Variants in CD82 observed in about 807,000 individuals in gnomAD.
The protein encoded by CD82 is CD82 antigen.
Under a neutral mutation model 37.4 loss-of-function variants are expected in CD82, and 36 were observed. The ratio of observed to expected loss-of-function variants is 0.96; its 90% CI spans 0.74 to 1.27. CD82 has a LOEUF of 1.27. CD82 is among the 50% of genes most tolerant of loss of function. CD82 has a pLI of 0.00. For missense variants in CD82, 340 were observed against 347.0 expected, an observed-to-expected ratio of 0.98 and a Z score of 0.16; for synonymous variants, 158 against 137.4, an observed-to-expected ratio of 1.15 and a Z score of -1.05.
upstream of CD82, chr11:44,564,504 T>TA (rs1211040401): frequency 2.2e-6 from 1 of 456,150 alleles, no homozygotes; most frequent in Non-Finnish European, 4.4e-6. Context: ...ATTAACCAGG[T>TA]AATCTGCCTG....
intron 7 of CD82, among the ~76,000 whole-genome samples, chr11:44,617,711 C>T (rs1853585985): frequency 6.6e-6 from 1 of 152,210 alleles, no homozygotes; most frequent in South Asian, 2.1e-4. Flanking sequence ...GCTCCCCACA[C>T]CTATGCTTGG....
At chr11:44,618,435 C>A in intron 8 of CD82, 70 bp downstream of exon 8, 1 of 1,341,190 alleles carries the variant, frequency 7.5e-7, no homozygotes, top group Non-Finnish European at 1.1e-6. Flanking sequence ...TACTGCTCAG[C>A]AATTCCTTCC....
intron 2 of CD82, among the ~76,000 whole-genome samples, chr11:44,590,543 G>A (rs143394130): frequency 1.1e-3 from 159 of 139,502 alleles, no homozygotes; most frequent in African/African-American, 4.0e-3. Flanking sequence ...CCCAGGAGGC[G>A]GAGCTTGCAG....
chr11:44,602,539 A>G (rs1853322233), intron 4 of CD82, among the ~76,000 whole-genome samples: 1 of 152,228 alleles, frequency 6.6e-6, no homozygotes, highest in African/African-American at 2.4e-5. Context: ...AGAAAGAAAT[A>G]GTAAATGGCT....
Position 44,605,387 on chromosome 11 carries a change from C to A in CD82, c.294C>A (p.Ala98=), listed in dbSNP as rs766789029. ...CTTTCCTGCTCCTGATCCTCATTGCCCAGGTGACGGCCGGGGCCCTCTTCT... is the reference window on the plus strand; with the variant it reads ...CTTTCCTGCTCCTGATCCTCATTGCACAGGTGACGGCCGGGGCCCTCTTCT... ...YFAFLLLILI[A]QVTAGALFYF... is the part of the protein sequence containing the mutation. The change falls in exon 6 of 10, where the codon GCC becomes GCA. Residue 98 remains alanine, a synonymous_variant. Transcript: ENST00000227155. 1 of 1,614,204 alleles carries A rather than the reference C, an allele frequency of 6.2e-7. No homozygotes were observed. Among genetic ancestry groups the A allele is most frequent in the Non-Finnish European group, 8.5e-7 (1 of 1,180,030 alleles).
intron 6 of CD82, among the ~76,000 whole-genome samples, chr11:44,614,820 G>A (rs1853537272): frequency 6.6e-6 from 1 of 152,164 alleles, no homozygotes; most frequent in Non-Finnish European, 1.5e-5. Context: ...TCCAGGCGGT[G>A]GGAACAGCAG....
At chr11:44,593,496 G>GT (rs978690183) in intron 2 of CD82, among the ~76,000 whole-genome samples, 3 of 152,336 alleles carry the variant, frequency 2.0e-5, no homozygotes, top group Non-Finnish European at 4.4e-5. Context: ...CTGAGTCAGG[G>GT]TGAGAACAGT....
chr11:44,573,594 G>T (rs1359612052), intron 1 of CD82, among the ~76,000 whole-genome samples: 1 of 152,202 alleles, frequency 6.6e-6, no homozygotes, highest in Non-Finnish European at 1.5e-5. Flanking sequence ...CCATCCGAAA[G>T]CCCCTCTTAT....
chr11:44,607,995 G>T (rs1295440736), intron 6 of CD82: 2 of 152,230 alleles, frequency 1.3e-5, no homozygotes, highest in Non-Finnish European at 2.9e-5. Context: ...CCTAGTCCCA[G>T]CCTGCCTCAC....
At position 44,619,198 on chromosome 11, in the gene CD82, C is replaced by A. The variant is rs1284104261; in HGVS notation, c.*72C>A. The A allele has an allele frequency of 4.1e-6, 5 of 1,224,284 alleles. No homozygotes were observed. In the East Asian group the frequency reaches 1.2e-4, roughly 28 times the overall value. 75.8% of individuals were successfully genotyped at this position (1,224,284 alleles called of 1,614,324 possible). A position where few individuals can be genotyped will look rare whatever the true frequency, so the allele number is the denominator to read the frequency against. On this transcript the variant is annotated 3_prime_UTR_variant, in exon 10 of 10. Coordinates refer to ENST00000227155, the MANE Select transcript of CD82 (RefSeq NM_002231.4). ...TCCCAGGGGTCTCCCTGGCTCCCTC[C>A]TCCAGGCCTGCCTCCCACTTCACTG...
chr11:44,596,075 C>T (rs922609457), intron 3 of CD82, among the ~76,000 whole-genome samples: 1 of 152,240 alleles, frequency 6.6e-6, no homozygotes, highest in African/African-American at 2.4e-5. Flanking sequence ...TTTTTCCACC[C>T]TGGCCCCGGC....
chr11:44,598,889 G>A (rs570397394), intron 3 of CD82, among the ~76,000 whole-genome samples: 52 of 152,342 alleles, frequency 3.4e-4, no homozygotes, highest in African/African-American at 1.1e-3. Context: ...GTTTCAAGAC[G>A]GGTCATCCAC....
intron 7 of CD82, among the ~76,000 whole-genome samples, chr11:44,617,594 C>A (rs1319032541): frequency 6.6e-6 from 1 of 151,036 alleles, no homozygotes; most frequent in Non-Finnish European, 1.5e-5. Flanking sequence ...GCGGAATTGA[C>A]CCCGTCTCCT....
intron 5 of CD82, 71 bp downstream of exon 5, chr11:44,605,253 G>A: frequency 6.2e-7 from 1 of 1,606,814 alleles, no homozygotes; most frequent in East Asian, 2.2e-5. Flanking sequence ...TGACCGCGGC[G>A]CTGGCCGTAA....
At position 44,619,765 on chromosome 11, in the gene CD82, A is replaced by T. The variant is rs908468556; in HGVS notation, c.*639A>T. On this transcript the variant is annotated 3_prime_UTR_variant, in exon 10 of 10. Transcript: ENST00000227155. ...GGGGACAGAAAGAGACTCCGTCTCA[A>T]AAAAAAAAAAAAAAAAAAAAAAAAT... The T allele has an allele frequency of 9.7e-5, 3 of 30,846 alleles. No individual in the cohort carries two copies. Among genetic ancestry groups the T allele is most frequent in the Non-Finnish European group, 3.2e-4 (3 of 9,488 alleles). 1.9% of individuals were successfully genotyped at this position (30,846 alleles called of 1,614,324 possible). A position where few individuals can be genotyped will look rare whatever the true frequency, so the allele number is the denominator to read the frequency against.
intron 9 of CD82, 77 bp downstream of exon 9, chr11:44,618,800 A>G: frequency 1.5e-6 from 2 of 1,309,486 alleles, no homozygotes; most frequent in South Asian, 2.6e-5. Context: ...CTCCTTGGGG[A>G]GGTGGTGGCC....
intron 2 of CD82, among the ~76,000 whole-genome samples, chr11:44,589,865 G>T (rs1167204985): frequency 6.6e-6 from 1 of 151,394 alleles, no homozygotes; most frequent in Non-Finnish European, 1.5e-5. Context: ...ACGGGGTCTC[G>T]CTCTGTCGCC....
At chr11:44,576,812 G>A (rs1168044756) in intron 1 of CD82, among the ~76,000 whole-genome samples, 1 of 152,148 alleles carries the variant, frequency 6.6e-6, no homozygotes, top group African/African-American at 2.4e-5. Flanking sequence ...GAAATAGGGC[G>A]GGCATTATTA....
chr11:44,613,744 C>G (rs999309663), intron 6 of CD82, among the ~76,000 whole-genome samples: 5 of 152,190 alleles, frequency 3.3e-5, no homozygotes. Context: ...GATTGCTTAA[C>G]CCCAGGAGGC....
Sources: allele counts gnomAD v4.1 joint callset (sites outside exome capture counted in the v4.1 genomes callset), GRCh38; gene constraint gnomAD v4.1.1; transcripts MANE v1.5; gene names NCBI Gene and HGNC (gene_info 2026-07-23, HGNC 2026-07-21).